Variants in COL11A1 observed in about 807,000 individuals in gnomAD.
COL11A1 encodes collagen type XI alpha 1 chain.
A neutral mutation model predicts 265.2 loss-of-function variants in COL11A1; 74 were observed. That is an observed-to-expected ratio of 0.28 (90% CI 0.23 to 0.34). The LOEUF (loss-of-function observed/expected upper bound fraction) is 0.34, where lower values mean the gene tolerates loss of function less well. Among genes scored for constraint, COL11A1 ranks in the 10% least tolerant of loss-of-function variants. The pLI, the probability that COL11A1 is intolerant of heterozygous loss-of-function variation, is 1.00. For synonymous variants in COL11A1, 816 were observed against 727.6 expected, an observed-to-expected ratio of 1.12 and a Z score of -1.96; for missense variants, 2,165 against 2,263.6, an observed-to-expected ratio of 0.96 and a Z score of 0.88.
intron 56 of COL11A1, among the ~76,000 whole-genome samples, chr1:102,898,449 T>C (rs1263559902): frequency 6.6e-6 from 1 of 151,988 alleles, no homozygotes; most frequent in Non-Finnish European, 1.5e-5. Context: ...TTTTCTATTT[T>C]CTCTTTATAA....
intron 4 of COL11A1, among the ~76,000 whole-genome samples, chr1:103,073,034 G>A (rs114069792): frequency 0.014 from 2,190 of 151,474 alleles, 42 homozygotes; most frequent in African/African-American, 0.05. Context: ...AACTTCATAG[G>A]GTTTCATGAA....
At chr1:102,879,615 G>A in intron 66 of COL11A1, 68 bp downstream of exon 66, 1 of 1,406,426 alleles carries the variant, frequency 7.1e-7, no homozygotes, top group Non-Finnish European at 1.0e-6. Flanking sequence ...TCTGGCTAAG[G>A]ACCGACTGAA....
At chr1:102,913,247 A>C (rs1654906055) in intron 53 of COL11A1, among the ~76,000 whole-genome samples, 1 of 152,168 alleles carries the variant, frequency 6.6e-6, no homozygotes, top group South Asian at 2.1e-4. Flanking sequence ...TTGAGAGTTC[A>C]TTTAGGTTCA....
chr1:103,053,872 T>C (rs1272476515), intron 4 of COL11A1, among the ~76,000 whole-genome samples: 1 of 152,230 alleles, frequency 6.6e-6, no homozygotes, highest in Non-Finnish European at 1.5e-5. Flanking sequence ...GTAAATACAT[T>C]TGACTATTTC....
In COL11A1 at chr1:103,026,107, A is replaced by G. The variant is rs1379263729; in HGVS notation, c.897+109T>C. 22 of 1,184,876 alleles carry G rather than the reference A, an allele frequency of 1.9e-5. No homozygotes were observed. In the East Asian group the frequency reaches 5.1e-4, roughly 28 times the overall value. The allele number at this position is 1,184,876 out of a possible 1,614,324, so 73.4% of individuals were successfully genotyped here. A position where few individuals can be genotyped will look rare whatever the true frequency, so the allele number is the denominator to read the frequency against. ...AAAATCACAGTTATTGGTTCAGAGAAATAAGATGAATGAAAGGTTTATGGT... is the reference window on the plus strand; with the variant it reads ...AAAATCACAGTTATTGGTTCAGAGAGATAAGATGAATGAAAGGTTTATGGT... On this transcript the variant is annotated intron_variant, in intron 6 of 66. Transcript: ENST00000370096.
intron 41 of COL11A1, among the ~76,000 whole-genome samples, chr1:102,952,202 G>A (rs938800395): frequency 6.6e-6 from 1 of 151,858 alleles, no homozygotes; most frequent in African/African-American, 2.4e-5. Context: ...AGGTTCAAAC[G>A]ATTCTCCTGC....
rs536617466 is a variant in COL11A1, at chr1:102,889,352, CTA to C, written c.4464+101_4464+102del. 6.9e-6 allele frequency: 6 copies of C among 874,982 alleles called. No homozygotes were observed. In the African/African-American group the frequency reaches 8.3e-5, roughly 12 times the overall value. The allele number at this position is 874,982 out of a possible 1,614,324, so 54.2% of individuals were successfully genotyped here. A position where few individuals can be genotyped will look rare whatever the true frequency, so the allele number is the denominator to read the frequency against. ...TGACTTAAATTAGAATTAAGACACT[CTA>C]AATTCTTTCTTTGATCATACTTAAA... On this transcript the variant is annotated intron_variant, in intron 59 of 66. Coordinates refer to ENST00000370096, the MANE Select transcript of COL11A1 (RefSeq NM_001854.4).
At chr1:102,890,381 T>C in intron 58 of COL11A1, 70 bp downstream of exon 58, 1 of 1,345,530 alleles carries the variant, frequency 7.4e-7, no homozygotes, top group Non-Finnish European at 1.0e-6. Flanking sequence ...ATGATTTTAA[T>C]CTGCAAAAGC....
Position 103,005,884 on chromosome 1 carries a change from C to G in COL11A1, c.1799G>C (p.Arg600Pro), listed in dbSNP as rs1665555863. Residue 600 changes from arginine to proline, a missense_variant, in exon 18 of 67, where the codon CGA (arginine) becomes CCA (proline). By Grantham distance (103) the Arg-to-Pro change is moderately radical (BLOSUM62 -2). Coordinates refer to ENST00000370096, the MANE Select transcript of COL11A1 (RefSeq NM_001854.4). ...CAGACCCGGAAGTCCATCAAACCCT[C>G]GATCTCCCTGTAAAACCATCATCAT... ...MPGEPGAKGD[R>P]GFDGLPGLPG... is the part of the protein sequence containing the mutation. 1 of 1,601,592 alleles carries G rather than the reference C, an allele frequency of 6.2e-7. No individual in the cohort carries two copies. The highest frequency in any genetic ancestry group is 8.5e-7 in the Non-Finnish European group (1 of 1,176,670).
intron 57 of COL11A1, among the ~76,000 whole-genome samples, chr1:102,893,353 CTT>C (rs1403259645): frequency 1.3e-5 from 2 of 152,028 alleles, no homozygotes; most frequent in East Asian, 3.8e-4. Context: ...AATAATCTCT[CTT>C]AACATTATAA....
chr1:102,946,933 T>A lies in COL11A1; in HGVS notation c.3192A>T (p.Ser1064=). The A allele has an allele frequency of 6.2e-7, 1 of 1,612,878 alleles. No individual in the cohort carries two copies. Among genetic ancestry groups the A allele is most frequent in the Non-Finnish European group, 8.5e-7 (1 of 1,179,500 alleles). Residue 1064 remains serine, a synonymous_variant, in exon 42 of 67, where the codon TCA becomes TCT. Coordinates refer to ENST00000370096, the MANE Select transcript of COL11A1 (RefSeq NM_001854.4). ...AACCAATTGGGCCAGCTGTACCTGC[T>A]GACCCACGTTCTCCTGGTGAGCCCT... ...GPVGSPGERG[S]AGTAGPIGLP...
At chr1:103,071,426 C>T (rs1671575079) in intron 4 of COL11A1, among the ~76,000 whole-genome samples, 1 of 131,914 alleles carries the variant, frequency 7.6e-6, no homozygotes, top group Admixed American at 8.2e-5. Context: ...TCTTATTTAG[C>T]AGGAAAAAAA....
intron 41 of COL11A1, among the ~76,000 whole-genome samples, chr1:102,947,195 C>T (rs1659382369): frequency 6.6e-6 from 1 of 152,002 alleles, no homozygotes; most frequent in Non-Finnish European, 1.5e-5. Context: ...TGAAAAAATA[C>T]ATCAAAATTA....
chr1:102,935,670 A>T (rs1658061333), intron 44 of COL11A1, among the ~76,000 whole-genome samples: 2 of 152,222 alleles, frequency 1.3e-5, no homozygotes, highest in African/African-American at 4.8e-5. Context: ...TGAGTCTTAC[A>T]TGCATAGATA....
At chr1:102,907,464 A>C (rs1654123395) in intron 54 of COL11A1, among the ~76,000 whole-genome samples, 1 of 152,104 alleles carries the variant, frequency 6.6e-6, no homozygotes, top group Non-Finnish European at 1.5e-5. Flanking sequence ...TTAACTTAGA[A>C]GCTTCCTACA....
chr1:103,089,420 T>C (rs1558044669), intron 1 of COL11A1, among the ~76,000 whole-genome samples: 2 of 152,232 alleles, frequency 1.3e-5, no homozygotes, highest in Non-Finnish European at 2.9e-5. Context: ...TGCTTAATTA[T>C]GTCTTTGGCT....
At chr1:102,905,165 C>T (rs1338553041) in intron 54 of COL11A1, among the ~76,000 whole-genome samples, 9 of 138,532 alleles carry the variant, frequency 6.5e-5, no homozygotes, top group African/African-American at 1.9e-4. Context: ...TAGGTGGGAA[C>T]TGAACAATGA....
At position 102,997,085 on chromosome 1, in the gene COL11A1, C is replaced by T. The variant is rs1444287963; in HGVS notation, c.2236G>A (p.Ala746Thr). The stretch of plus-strand genomic sequence containing the variant: ...ATGGATACTTTGGAACCTACCAGAG[C>T]CCCCTTTTCTCCAGACTGGCCTTCT... Reference protein sequence around the residue: ...GKEGQSGEKGALGPPGPQGPI... With the variant: ...GKEGQSGEKGTLGPPGPQGPI... The change falls in exon 26 of 67, where the codon GCT (alanine) becomes ACT (threonine). Residue 746 changes from alanine (A) to threonine (T), a missense_variant. Transcript: ENST00000370096. 2 of 1,611,612 alleles carry T rather than the reference C, an allele frequency of 1.2e-6. No individual in the cohort carries two copies. Among genetic ancestry groups the T allele is most frequent in the African/African-American group, 1.3e-5 (1 of 74,786 alleles).
intron 46 of COL11A1, among the ~76,000 whole-genome samples, chr1:102,933,351 G>C (rs970085247): frequency 4.2e-5 from 6 of 141,974 alleles, no homozygotes; most frequent in South Asian, 2.5e-4. Context: ...ATACCCTGCC[G>C]TGTGAGGTGT....
Sources: gnomAD v4.1 joint callset for allele counts (sites outside exome capture counted in the v4.1 genomes callset) on GRCh38, gnomAD v4.1.1 for gene constraint, MANE v1.5 for transcripts, NCBI Gene and HGNC (gene_info 2026-07-23, HGNC 2026-07-21) for gene names.